Variants in SDK1 observed in about 807,000 individuals in gnomAD.
SDK1 encodes the protein protein sidekick-1.
A neutral mutation model predicts 245.5 loss-of-function variants in SDK1; 157 were observed. That is an observed-to-expected ratio of 0.64 (90% CI 0.56 to 0.73). SDK1 has a LOEUF of 0.73. Ranked by LOEUF, SDK1 falls within the 30% of genes least tolerant of loss-of-function variation. The pLI, the probability that SDK1 is intolerant of heterozygous loss-of-function variation, is 0.00. For missense variants in SDK1, 3,583 were observed against 3,002.3 expected (o/e 1.19, Z -4.52); for synonymous variants, 1,647 against 1,278.5 (o/e 1.29, Z -6.15).
intron 5 of SDK1, among the ~76,000 whole-genome samples, chr7:3,876,189 A>G (rs1279878531): frequency 6.6e-6 from 1 of 152,160 alleles, no homozygotes; most frequent in African/African-American, 2.4e-5. Flanking sequence ...CTCACGCTTG[A>G]CTTGAAGTGA....
At chr7:3,605,389 C>T (rs1234170370) in intron 1 of SDK1, among the ~76,000 whole-genome samples, 1 of 152,142 alleles carries the variant, frequency 6.6e-6, no homozygotes, top group Non-Finnish European at 1.5e-5. Flanking sequence ...AAAATATTCT[C>T]AAGGAAAAAA....
At position 4,119,865 on chromosome 7, in the gene SDK1, A is replaced by C. The variant is rs969277864; in HGVS notation, c.3823+5591A>C. Among the ~76,000 whole-genome samples the C allele has an allele frequency of 3.4e-4, 51 of 149,368 alleles. 4 individuals carry two copies. The highest frequency in any genetic ancestry group is 1.0e-3 in the African/African-American group (43 of 41,022). ...AAAGATAGAGGGCTTCAATTACATTAACATACATACAAGTCTGAGAGAAAT... is the reference window on the plus strand; with the variant it reads ...AAAGATAGAGGGCTTCAATTACATTCACATACATACAAGTCTGAGAGAAAT... On this transcript the variant is annotated intron_variant, in intron 25 of 44. Coordinates refer to ENST00000404826, the MANE Select transcript of SDK1 (RefSeq NM_152744.4).
At chr7:4,116,185 C>T (rs1400491511) in intron 25 of SDK1, among the ~76,000 whole-genome samples, 4 of 152,272 alleles carry the variant, frequency 2.6e-5, no homozygotes, top group Admixed American at 6.5e-5. Context: ...GGAGTGAGGA[C>T]GCAGATCAGC....
chr7:4,108,066 G>C (rs1783062272), intron 22 of SDK1, among the ~76,000 whole-genome samples: 1 of 152,208 alleles, frequency 6.6e-6, no homozygotes, highest in Non-Finnish European at 1.5e-5. Context: ...GCCGGGGCCA[G>C]AGCTTTCAAG....
At chr7:3,678,430 T>C (rs1157473291) in intron 4 of SDK1, among the ~76,000 whole-genome samples, 2 of 152,224 alleles carry the variant, frequency 1.3e-5, no homozygotes, top group African/African-American at 4.8e-5. Flanking sequence ...TGGACTATTA[T>C]GTGCCCATAA....
chr7:3,345,203 TA>T (rs1780460711), intron 1 of SDK1, among the ~76,000 whole-genome samples: 1 of 152,192 alleles, frequency 6.6e-6, no homozygotes, highest in South Asian at 2.1e-4. Flanking sequence ...TCAGATAACT[TA>T]CGGATTTTAT....
intron 2 of SDK1, among the ~76,000 whole-genome samples, chr7:3,630,936 G>C (rs968150550): frequency 6.6e-6 from 1 of 151,814 alleles, no homozygotes; most frequent in African/African-American, 2.4e-5. Flanking sequence ...TTCTCTACAA[G>C]ATTTTTTTTT....
At chr7:3,993,990 C>T (rs1280097315) in intron 14 of SDK1, among the ~76,000 whole-genome samples, 3 of 152,126 alleles carry the variant, frequency 2.0e-5, no homozygotes, top group African/African-American at 7.2e-5. Context: ...TTAAGTCTTT[C>T]TCTTCATTCT....
At chr7:3,958,271 C>T in intron 7 of SDK1, 1 of 279,138 alleles carries the variant, frequency 3.6e-6, no homozygotes. Flanking sequence ...GCTGAATAAA[C>T]TGGAAAAATG....
intron 43 of SDK1, among the ~76,000 whole-genome samples, chr7:4,244,969 C>T (rs934219733): frequency 7.9e-5 from 12 of 152,298 alleles, no homozygotes; most frequent in South Asian, 6.2e-4. Flanking sequence ...GTCTCCAGTC[C>T]GCCAAGATAG....
At chr7:4,023,494 C>T (rs768098807) in intron 17 of SDK1, among the ~76,000 whole-genome samples, 3 of 151,942 alleles carry the variant, frequency 2.0e-5, no homozygotes, top group Non-Finnish European at 4.4e-5. Flanking sequence ...TGATTACCCA[C>T]GATGAAATGG....
chr7:3,572,353 A>G (rs1780143332), intron 1 of SDK1, among the ~76,000 whole-genome samples: 1 of 152,010 alleles, frequency 6.6e-6, no homozygotes, highest in South Asian at 2.1e-4. Flanking sequence ...TGGAGAGCCC[A>G]TTTGGGATCA....
intron 35 of SDK1, among the ~76,000 whole-genome samples, chr7:4,197,325 A>T (rs1209642645): frequency 6.6e-6 from 1 of 151,892 alleles, no homozygotes; most frequent in African/African-American, 2.4e-5. Context: ...GAAAAGAAAG[A>T]AAGAAAGAAA....
At chr7:3,480,910 C>A (rs1781501985) in intron 1 of SDK1, among the ~76,000 whole-genome samples, 1 of 152,206 alleles carries the variant, frequency 6.6e-6, no homozygotes, top group Non-Finnish European at 1.5e-5. Context: ...TCTGGTACAT[C>A]TTTCTTCCTT....
chr7:3,982,734 G>A (rs1783511651), intron 13 of SDK1, among the ~76,000 whole-genome samples: 1 of 152,126 alleles, frequency 6.6e-6, no homozygotes, highest in Non-Finnish European at 1.5e-5. Context: ...CAGCTACTCG[G>A]GGGGCTGAGT....
chr7:3,993,124 T>C (rs947133562), intron 14 of SDK1, among the ~76,000 whole-genome samples: 2 of 152,246 alleles, frequency 1.3e-5, no homozygotes, highest in African/African-American at 4.8e-5. Context: ...AAAAATTTAT[T>C]CTTTCACATG....
intron 5 of SDK1, among the ~76,000 whole-genome samples, chr7:3,847,426 G>A (rs1355764664): frequency 1.3e-5 from 2 of 152,122 alleles, no homozygotes; most frequent in Admixed American, 1.3e-4. Flanking sequence ...ATTTACCGAG[G>A]CCTTTAACAA....
intron 35 of SDK1, among the ~76,000 whole-genome samples, chr7:4,191,440 G>C (rs1288379252): frequency 6.6e-6 from 1 of 152,244 alleles, no homozygotes; most frequent in Admixed American, 6.5e-5. Flanking sequence ...CATTTGGAAA[G>C]GCTCCCTCAC....
chr7:3,438,744 TCTC>T (rs925836784), intron 1 of SDK1, among the ~76,000 whole-genome samples: 1 of 152,190 alleles, frequency 6.6e-6, no homozygotes, highest in Non-Finnish European at 1.5e-5. Flanking sequence ...CTTGGAATCT[TCTC>T]CTTTCACTTC....
Sources: gnomAD v4.1 joint callset for allele counts (sites outside exome capture counted in the v4.1 genomes callset) on GRCh38, gnomAD v4.1.1 for gene constraint, MANE v1.5 for transcripts, NCBI Gene and HGNC (gene_info 2026-07-23, HGNC 2026-07-21) for gene names.